The following ZBTB46 variants were observed in gnomAD, a reference collection of about 807,000 sequenced individuals.
ZBTB46 encodes zinc finger and BTB domain containing 46, also known as zinc finger and BTB domain-containing protein 46.
In ZBTB46, 8 loss-of-function variants were observed where a neutral mutation model predicts 44.1. The ratio of observed to expected loss-of-function variants is 0.18; its 90% CI spans 0.11 to 0.33. ZBTB46 has a LOEUF of 0.33. Among genes scored for constraint, ZBTB46 ranks in the 10% least tolerant of loss-of-function variants. The pLI is 1.00. For synonymous variants in ZBTB46, 409 were observed against 382.3 expected (o/e 1.07, Z -0.81); for missense variants, 651 against 847.7 (o/e 0.77, Z 2.88).
At chr20:63,809,502 G>A (rs1427156368) in intron 1 of ZBTB46, among the ~76,000 whole-genome samples, 10 of 152,214 alleles carry the variant, frequency 6.6e-5, no homozygotes, top group Non-Finnish European at 2.9e-5. Flanking sequence ...AGCCCAGCAG[G>A]TGGAGAGGAC....
At chr20:63,789,550 C>T (rs1198482776) in intron 2 of ZBTB46, among the ~76,000 whole-genome samples, 1 of 152,200 alleles carries the variant, frequency 6.6e-6, no homozygotes, top group African/African-American at 2.4e-5. Flanking sequence ...TTCAGAGGGG[C>T]CCAGCCCAGG....
chr20:63,744,798 T>A lies in ZBTB46; in HGVS notation c.*2132A>T, dbSNP rs2092072939. Reference sequence around the variant, plus strand: ...GCTCCGGCGGGGAACCCCAAAACGGTCAGCAAAGGCAGGCCACACGGAGTG... The same window carrying A: ...GCTCCGGCGGGGAACCCCAAAACGGACAGCAAAGGCAGGCCACACGGAGTG... On this transcript the variant is annotated 3_prime_UTR_variant, in exon 5 of 5. Coordinates refer to ENST00000245663, the MANE Select transcript of ZBTB46 (RefSeq NM_001369741.1). The A allele has an allele frequency of 6.6e-6, 1 of 152,226 alleles. No homozygotes were observed. The highest frequency in any genetic ancestry group is 2.4e-5 in the African/African-American group (1 of 41,388). The allele number at this position is 152,226 out of a possible 1,614,324, so 9.4% of individuals were successfully genotyped here.
At chr20:63,798,733 A>C (rs1007178624) in intron 1 of ZBTB46, among the ~76,000 whole-genome samples, 1 of 146,082 alleles carries the variant, frequency 6.8e-6, no homozygotes, top group Non-Finnish European at 1.5e-5. Context: ...AGTCCCAGCT[A>C]CTAAGGAGGC....
rs557483535 is a variant in ZBTB46, at chr20:63,775,611, C to T, written c.1222+67G>A. ...CCCTCAGCCTCATCTCATCTTGGCCCGGGACCTGCAACCCTCAGCCTTCAA... is the reference window on the plus strand; with the variant it reads ...CCCTCAGCCTCATCTCATCTTGGCCTGGGACCTGCAACCCTCAGCCTTCAA... On this transcript the variant is annotated intron_variant, in intron 3 of 4. Coordinates refer to ENST00000245663, the MANE Select transcript of ZBTB46 (RefSeq NM_001369741.1). The T allele has an allele frequency of 3.7e-5, 55 of 1,504,044 alleles. No homozygotes were observed. In the South Asian group the frequency reaches 6.3e-4, roughly 17 times the overall value. The allele number at this position is 1,504,044 out of a possible 1,614,324, so 93.2% of individuals were successfully genotyped here.
At chr20:63,754,271 G>C (rs1183253921) in intron 3 of ZBTB46, among the ~76,000 whole-genome samples, 1 of 152,062 alleles carries the variant, frequency 6.6e-6, no homozygotes, top group Non-Finnish European at 1.5e-5. Flanking sequence ...TGTGCCCCTG[G>C]CTCTCCTCCG....
intron 1 of ZBTB46, among the ~76,000 whole-genome samples, chr20:63,824,477 C>T (rs1568911144): frequency 1.3e-5 from 2 of 152,076 alleles, no homozygotes; most frequent in Non-Finnish European, 2.9e-5. Flanking sequence ...GCTAATTTAG[C>T]AAATATCAGA....
rs1436579783 is a variant in ZBTB46 at position 63,803,391 on chromosome 20, C to T, written c.-33-12601G>A. On this transcript the variant is annotated intron_variant, in intron 1 of 4. Coordinates refer to ENST00000245663, the MANE Select transcript of ZBTB46 (RefSeq NM_001369741.1). The surrounding 1 kb of genome is among the most constrained non-coding windows in gnomAD (Gnocchi z 4.0). ...TAAGTGAGCTCCTGACTAGAAAACA[C>T]TCCAAGACATGTTAGCAGAGTCGTC... 1 of 985,366 alleles carries T rather than the reference C, an allele frequency of 1.0e-6. No individual in the cohort carries two copies. The highest frequency in any genetic ancestry group is 1.2e-6 in the Non-Finnish European group (1 of 829,944). The allele number at this position is 985,366 out of a possible 1,614,324, so 61.0% of individuals were successfully genotyped here.
chr20:63,782,236 C>G (rs1388211821), intron 2 of ZBTB46, among the ~76,000 whole-genome samples: 1 of 152,016 alleles, frequency 6.6e-6, no homozygotes, highest in Non-Finnish European at 1.5e-5. Flanking sequence ...GGCAGAACGA[C>G]TCCGCAGACC....
At chr20:63,816,047 TGCAGGTGCGGTGGGC>T (rs1248160744) in intron 1 of ZBTB46, among the ~76,000 whole-genome samples, 1 of 114,246 alleles carries the variant, frequency 8.8e-6, no homozygotes, top group East Asian at 2.9e-4. Context: ...GTGCGGTGGG[TGCAGGTGCGGTGGGC>T]GCAGGTGCAG....
In ZBTB46 at chr20:63,775,742, G is replaced by C. The variant is rs758920988; in HGVS notation, c.1158C>G (p.Asp386Glu). 6 of 1,612,080 alleles carry C rather than the reference G, an allele frequency of 3.7e-6. No individual in the cohort carries two copies. In the Admixed American group the frequency reaches 1.0e-4, roughly 27 times the overall value. ...GCAGGGAGCCGTCATCCCCCAGCAC[G>C]TCGGCCTTCAGCGACAGCAGGCTGT... ...SKNSLLSLKADVLGDDGSLLF... is the reference protein window; with the variant it reads ...SKNSLLSLKAEVLGDDGSLLF... Residue 386 changes from aspartate (D) to glutamate (E), a missense_variant, in exon 3 of 5, where the codon GAC (aspartate) becomes GAG (glutamate). Coordinates refer to ENST00000245663, the MANE Select transcript of ZBTB46 (RefSeq NM_001369741.1).
intron 3 of ZBTB46, among the ~76,000 whole-genome samples, chr20:63,769,066 T>C (rs1442208443): frequency 6.6e-6 from 1 of 152,246 alleles, no homozygotes; most frequent in East Asian, 1.9e-4. Context: ...GGGTTTTCTC[T>C]GTACCTGGCT....
At chr20:63,777,834 C>A (rs933655614) in intron 2 of ZBTB46, among the ~76,000 whole-genome samples, 13 of 152,196 alleles carry the variant, frequency 8.5e-5, no homozygotes, top group Admixed American at 3.9e-4. Flanking sequence ...AGAACAGACA[C>A]AGGCCACCAC....
intron 1 of ZBTB46, among the ~76,000 whole-genome samples, chr20:63,830,333 T>C (rs1343238649): frequency 1.3e-5 from 2 of 151,924 alleles, no homozygotes; most frequent in African/African-American, 2.4e-5. Context: ...AACTGACATG[T>C]CTATTTACAG....
chr20:63,825,175 C>T (rs1382798074), intron 1 of ZBTB46, among the ~76,000 whole-genome samples: 1 of 151,488 alleles, frequency 6.6e-6, no homozygotes, highest in African/African-American at 2.4e-5. Context: ...CCGAGGCAGG[C>T]GGATCACTTG....
At chr20:63,794,724 C>T (rs962823080) in intron 1 of ZBTB46, among the ~76,000 whole-genome samples, 19 of 152,212 alleles carry the variant, frequency 1.2e-4, no homozygotes, top group Non-Finnish European at 1.8e-4. Context: ...AGGCTCGACA[C>T]GCAAGCAGCG....
rs907093700 is a variant in ZBTB46 at position 63,746,830 on chromosome 20, G to A, written c.*100C>T. 11 of 1,410,140 alleles carry A rather than the reference G, an allele frequency of 7.8e-6. No homozygotes were observed. The highest frequency in any genetic ancestry group is 5.9e-5 in the African/African-American group (4 of 67,462). 87.4% of individuals were successfully genotyped at this position (1,410,140 alleles called of 1,614,324 possible). A position where few individuals can be genotyped will look rare whatever the true frequency, so the allele number is the denominator to read the frequency against. On this transcript the variant is annotated 3_prime_UTR_variant, in exon 5 of 5. Transcript: ENST00000245663. ...CAGGGGGAAGCAGAGGAGGGGCCGC[G>A]AGAGGGGTGAGCGTGGCCCTGGCCC...
At chr20:63,794,856 AG>A (rs2092588875) in intron 1 of ZBTB46, among the ~76,000 whole-genome samples, 1 of 149,550 alleles carries the variant, frequency 6.7e-6, no homozygotes, top group Non-Finnish European at 1.5e-5. Flanking sequence ...CTGCATCCAC[AG>A]GACACACACC....
intron 1 of ZBTB46, among the ~76,000 whole-genome samples, chr20:63,821,743 T>C (rs2092793557): frequency 1.3e-5 from 2 of 152,182 alleles, no homozygotes; most frequent in Non-Finnish European, 2.9e-5. Context: ...CCACCATGTC[T>C]GGTCCAGGCT....
rs1339421350 is a variant in ZBTB46, at chr20:63,745,647, G to A, written c.*1283C>T. On this transcript the variant is annotated 3_prime_UTR_variant, in exon 5 of 5. Coordinates refer to ENST00000245663, the MANE Select transcript of ZBTB46 (RefSeq NM_001369741.1). ...ACCGCAGTGGTGGCCTGTGCCAGAG[G>A]AGGGGGTGAAGGATGGAATGTCCTC... 6.6e-6 allele frequency: 1 copy of A among 152,346 alleles called. No individual in the cohort carries two copies. Among genetic ancestry groups the A allele is most frequent in the Non-Finnish European group, 1.5e-5 (1 of 68,068 alleles). The allele number at this position is 152,346 out of a possible 1,614,324, so 9.4% of individuals were successfully genotyped here. A position where few individuals can be genotyped will look rare whatever the true frequency, so the allele number is the denominator to read the frequency against.
Sources: allele counts gnomAD v4.1 joint callset (sites outside exome capture counted in the v4.1 genomes callset), GRCh38; gene constraint gnomAD v4.1.1; non-coding constraint Gnocchi (gnomAD v3.1); transcripts MANE v1.5; gene names NCBI Gene and HGNC (gene_info 2026-07-23, HGNC 2026-07-21).